The following CSMD1 variants were observed in gnomAD, a reference collection of about 807,000 sequenced individuals.
The protein encoded by CSMD1 is CUB and sushi domain-containing protein 1.
CSMD1 carries 213 observed loss-of-function variants against 417.5 expected under a neutral mutation model. That is an observed-to-expected ratio of 0.51 (90% confidence interval 0.46 to 0.57). The LOEUF (loss-of-function observed/expected upper bound fraction) is 0.57, where lower values mean the gene tolerates loss of function less well. Ranked by LOEUF, CSMD1 falls within the 20% of genes least tolerant of loss-of-function variation. The pLI is 0.00. For synonymous variants in CSMD1, 2,862 were observed against 1,736.8 expected (o/e 1.65, Z -16.11); for missense variants, 6,923 against 4,529.7 (o/e 1.53, Z -15.17).
chr8:3,271,990 C>T (rs1268554960), intron 26 of CSMD1, among the ~76,000 whole-genome samples: 7 of 152,020 alleles, frequency 4.6e-5, no homozygotes, highest in Non-Finnish European at 1.0e-4. Context: ...GTGTTTGAGA[C>T]ATGCAGTCCT....
intron 1 of CSMD1, among the ~76,000 whole-genome samples, chr8:4,912,897 T>C (rs1015488060): frequency 2.6e-5 from 4 of 152,132 alleles, no homozygotes; most frequent in African/African-American, 9.7e-5. Flanking sequence ...GTAATTCTAC[T>C]GCCTCAGCTT....
chr8:3,844,227 T>C (rs1803334525), intron 5 of CSMD1, among the ~76,000 whole-genome samples: 1 of 152,176 alleles, frequency 6.6e-6, no homozygotes, highest in Admixed American at 6.5e-5. Context: ...GTCTGGCTTG[T>C]GGCTAAAATC....
rs896440750 is a variant in CSMD1, at chr8:4,441,248, G to C, written c.303-21183C>G. Among the ~76,000 whole-genome samples the C allele has an allele frequency of 3.5e-5, 5 of 142,540 alleles. 1 individual carries two copies. Among genetic ancestry groups the C allele is most frequent in the Non-Finnish European group, 7.6e-5 (5 of 66,072 alleles). 93.5% of individuals were successfully genotyped at this position (142,540 alleles called of 152,430 possible). A position where few individuals can be genotyped will look rare whatever the true frequency, so the allele number is the denominator to read the frequency against. On this transcript the variant is annotated intron_variant, in intron 2 of 69. Coordinates refer to ENST00000635120, the MANE Select transcript of CSMD1 (RefSeq NM_033225.6). ...TGAGTAGCTGGAACTACAGGCCTGA[G>C]CACTACACTCAGTTTTTTTTTTTTT... is the stretch of plus-strand genomic sequence containing the variant.
At position 3,214,545 on chromosome 8, in the gene CSMD1, C is replaced by T. The variant is rs1363958089; in HGVS notation, c.4819G>A (p.Gly1607Arg). ...TCCCAGGAGGGTTTCCCATCAGCCC[C>T]AATCACACAGGTGATGGATGAGGGG... ...LDPSSITCVI[G>R]ADGKPSWDQV... Residue 1607 changes from glycine to arginine, a missense_variant, in exon 30 of 70, where the codon GGG (glycine) becomes AGG (arginine). Coordinates refer to ENST00000635120, the MANE Select transcript of CSMD1 (RefSeq NM_033225.6). 1.9e-6 allele frequency: 3 copies of T among 1,599,960 alleles called. No individual in the cohort carries two copies. Among genetic ancestry groups the T allele is most frequent in the Non-Finnish European group, 2.6e-6 (3 of 1,173,146 alleles).
At chr8:3,255,736 G>C (rs548956722) in intron 26 of CSMD1, among the ~76,000 whole-genome samples, 15 of 152,164 alleles carry the variant, frequency 9.9e-5, no homozygotes, top group South Asian at 4.1e-4. Context: ...ATTAGGGTGG[G>C]AGTGACCGGA....
At chr8:3,774,790 T>G (rs1325281746) in intron 5 of CSMD1, among the ~76,000 whole-genome samples, 1 of 152,124 alleles carries the variant, frequency 6.6e-6, no homozygotes, top group Non-Finnish European at 1.5e-5. Flanking sequence ...ACAGTGTCCG[T>G]TTTTAAGCCA....
chr8:3,196,188 C>T (rs543146452), intron 33 of CSMD1, among the ~76,000 whole-genome samples: 2 of 152,118 alleles, frequency 1.3e-5, no homozygotes, highest in Non-Finnish European at 2.9e-5. Flanking sequence ...GACACTCCCA[C>T]CAGCACGATG....
At chr8:3,618,133 C>T (rs974556770) in intron 7 of CSMD1, among the ~76,000 whole-genome samples, 1 of 152,006 alleles carries the variant, frequency 6.6e-6, no homozygotes, top group African/African-American at 2.4e-5. Context: ...TCCCTAATAG[C>T]TGGTAACACA....
At chr8:4,348,773 A>T (rs1026697709) in intron 3 of CSMD1, among the ~76,000 whole-genome samples, 1 of 152,168 alleles carries the variant, frequency 6.6e-6, no homozygotes, top group African/African-American at 2.4e-5. Flanking sequence ...TAAACTACGA[A>T]TGTGACTTTC....
At chr8:3,477,899 G>A (rs1376708329) in intron 11 of CSMD1, among the ~76,000 whole-genome samples, 1 of 152,166 alleles carries the variant, frequency 6.6e-6, no homozygotes, top group Non-Finnish European at 1.5e-5. Context: ...GGCCAGGGCA[G>A]GTGGAAAAGA....
chr8:3,186,019 T>G (rs1821734067), intron 36 of CSMD1, among the ~76,000 whole-genome samples: 1 of 152,034 alleles, frequency 6.6e-6, no homozygotes, highest in African/African-American at 2.4e-5. Flanking sequence ...CCAGGTAGCT[T>G]TTTTTTCTCT....
At chr8:4,824,510 A>G (rs945396048) in intron 1 of CSMD1, among the ~76,000 whole-genome samples, 3 of 152,144 alleles carry the variant, frequency 2.0e-5, no homozygotes, top group Non-Finnish European at 4.4e-5. Flanking sequence ...AGTAGTCCCA[A>G]TTAAAATATT....
chr8:3,704,279 C>T (rs1801039990), intron 7 of CSMD1, among the ~76,000 whole-genome samples: 1 of 152,102 alleles, frequency 6.6e-6, no homozygotes, highest in South Asian at 2.1e-4. Context: ...AAGCAGGATT[C>T]AGCACAGAAG....
Position 3,550,482 on chromosome 8 carries a change from G to A in CSMD1, c.1344+24463C>T, listed in dbSNP as rs191439816. 3.9e-3 allele frequency among the ~76,000 whole-genome samples: 597 copies of A among 152,226 alleles called. 1 individual carries two copies. The highest frequency in any genetic ancestry group is 7.1e-3 in the Non-Finnish European group (481 of 68,014). ...TTGACACATGGCGGCTGTGCATATC[G>A]ATGGGGTGCACAGTAATGTTTCCAT... On this transcript the variant is annotated intron_variant, in intron 10 of 69. Coordinates refer to ENST00000635120, the MANE Select transcript of CSMD1 (RefSeq NM_033225.6).
chr8:3,492,801 C>T (rs1796184425), intron 11 of CSMD1, among the ~76,000 whole-genome samples: 1 of 152,190 alleles, frequency 6.6e-6, no homozygotes, highest in South Asian at 2.1e-4. Flanking sequence ...AATCAGAGTT[C>T]TTCAAAGGTA....
At chr8:3,713,608 C>G (rs150632383) in intron 6 of CSMD1, among the ~76,000 whole-genome samples, 2 of 152,146 alleles carry the variant, frequency 1.3e-5, no homozygotes, top group Non-Finnish European at 2.9e-5. Context: ...TTAATACACC[C>G]GTACCGTCCT....
chr8:3,864,822 C>T (rs970921736), intron 5 of CSMD1, among the ~76,000 whole-genome samples: 2 of 152,172 alleles, frequency 1.3e-5, no homozygotes, highest in African/African-American at 2.4e-5. Flanking sequence ...ATTTGTTATA[C>T]AGAAACATTT....
chr8:3,189,994 C>A lies in CSMD1; in HGVS notation c.5316G>T (p.Leu1772=), dbSNP rs766368415. Residue 1772 remains leucine (L), a synonymous_variant, in exon 34 of 70, where the codon CTG becomes CTT. Coordinates refer to ENST00000635120, the MANE Select transcript of CSMD1 (RefSeq NM_033225.6). ...IVRFECNPGY[L]LQGSTALHCQ... is the part of the protein sequence containing the mutation. Reference sequence around the variant, plus strand: ...AGTGGAGCGCCGTGGAACCCTGAAGCAGGTATCCCGGGTTGCACTCGAATC... The same window carrying A: ...AGTGGAGCGCCGTGGAACCCTGAAGAAGGTATCCCGGGTTGCACTCGAATC... 3.6e-5 allele frequency: 57 copies of A among 1,599,358 alleles called. No individual in the cohort carries two copies. Among genetic ancestry groups the A allele is most frequent in the Non-Finnish European group, 4.9e-5 (57 of 1,173,300 alleles).
intron 2 of CSMD1, among the ~76,000 whole-genome samples, chr8:4,507,763 A>T (rs1802602757): frequency 6.6e-6 from 1 of 152,210 alleles, no homozygotes; most frequent in African/African-American, 2.4e-5. Flanking sequence ...CATCTTGATG[A>T]TTGTCTATAA....
Sources: gnomAD v4.1 joint callset for allele counts (sites outside exome capture counted in the v4.1 genomes callset) on GRCh38, gnomAD v4.1.1 for gene constraint, MANE v1.5 for transcripts, NCBI Gene and HGNC (gene_info 2026-07-23, HGNC 2026-07-21) for gene names.